Variants in DAG1 observed in about 807,000 individuals in gnomAD.
DAG1 encodes the protein dystroglycan 1 (dystrophin-associated glycoprotein 1).
In DAG1, 8 loss-of-function variants were observed where a neutral mutation model predicts 46.1. The ratio of observed to expected loss-of-function variants is 0.17; its 90% CI spans 0.10 to 0.31. The LOEUF is 0.31. Among genes scored for constraint, DAG1 ranks in the 10% least tolerant of loss-of-function variants. The pLI, the probability that DAG1 is intolerant of heterozygous loss-of-function variation, is 1.00. For missense variants in DAG1, 1,003 were observed against 1,189.9 expected, an observed-to-expected ratio of 0.84 and a Z score of 2.31; for synonymous variants, 495 against 481.8, an observed-to-expected ratio of 1.03 and a Z score of -0.36.
chr3:49,507,272 C>A (rs1299076415), intron 1 of DAG1, among the ~76,000 whole-genome samples: 2 of 152,014 alleles, frequency 1.3e-5, no homozygotes, highest in African/African-American at 4.8e-5. Flanking sequence ...TTTAAAATTA[C>A]AAATTCAGGG....
chr3:49,503,689 G>A (rs2050518701), intron 1 of DAG1, among the ~76,000 whole-genome samples: 2 of 152,118 alleles, frequency 1.3e-5, no homozygotes, highest in African/African-American at 2.4e-5. Context: ...ATAGCCAGGT[G>A]TGGTAGCACA....
intron 2 of DAG1, among the ~76,000 whole-genome samples, chr3:49,529,706 C>T (rs1180204514): frequency 1.3e-5 from 2 of 152,172 alleles, no homozygotes; most frequent in African/African-American, 4.8e-5. Flanking sequence ...TGCCTTCAGG[C>T]CAACCAGAGA....
intron 2 of DAG1, among the ~76,000 whole-genome samples, chr3:49,527,855 GT>G (rs1312509428): frequency 3.3e-5 from 5 of 152,282 alleles, no homozygotes; most frequent in Admixed American, 2.0e-4. Context: ...TCTCAACCTT[GT>G]TCAGTCTCCT....
At chr3:49,476,625 A>G (rs1377834399) in intron 1 of DAG1, among the ~76,000 whole-genome samples, 1 of 152,166 alleles carries the variant, frequency 6.6e-6, no homozygotes, top group African/African-American at 2.4e-5. Context: ...ACTGTCTAAA[A>G]TACACTGAAA....
rs1200598437 is a variant in DAG1 at position 49,531,060 on chromosome 3, T to C, written c.549T>C (p.Ala183=). ...DPGEVVSSAC[A]ADEPVTVLTV... is the part of the protein sequence containing the mutation. Reference sequence around the variant, plus strand: ...GTGAGGTGGTATCATCTGCCTGTGCTGCGGATGAACCTGTGACTGTTTTGA... The same window carrying C: ...GTGAGGTGGTATCATCTGCCTGTGCCGCGGATGAACCTGTGACTGTTTTGA... The change falls in exon 3 of 3, where the codon GCT becomes GCC. Residue 183 remains alanine (A), a synonymous_variant. Coordinates refer to ENST00000308775, the MANE Select transcript of DAG1 (RefSeq NM_004393.6). The surrounding 1 kb of genome is among the most constrained non-coding windows in gnomAD (Gnocchi z 7.0). The C allele has an allele frequency of 1.2e-6, 2 of 1,614,210 alleles. No homozygotes were observed. The highest frequency in any genetic ancestry group is 8.5e-7 in the Non-Finnish European group (1 of 1,180,020).
At chr3:49,510,840 T>G (rs752310497) in intron 2 of DAG1, 21 bp downstream of exon 2, 1 of 1,613,706 alleles carries the variant, frequency 6.2e-7, no homozygotes, top group African/African-American at 1.3e-5. Context: ...ATATAAAGCA[T>G]AAATGAGGAA....
intron 1 of DAG1, among the ~76,000 whole-genome samples, chr3:49,501,318 T>C (rs1038071863): frequency 1.3e-5 from 2 of 151,930 alleles, no homozygotes; most frequent in East Asian, 1.9e-4. Flanking sequence ...ATCTAATAAG[T>C]GAAGTAAAGA....
At chr3:49,522,985 G>A (rs2051075292) in intron 2 of DAG1, among the ~76,000 whole-genome samples, 2 of 152,170 alleles carry the variant, frequency 1.3e-5, no homozygotes, top group South Asian at 2.1e-4. Context: ...GTGTTGGCTG[G>A]TAGAGAGACC....
At chr3:49,513,432 G>C (rs2050814724) in intron 2 of DAG1, among the ~76,000 whole-genome samples, 1 of 152,146 alleles carries the variant, frequency 6.6e-6, no homozygotes, top group Non-Finnish European at 1.5e-5. Context: ...AGCACATATA[G>C]ACTCTGATGG....
chr3:49,504,376 C>T (rs942830647), intron 1 of DAG1, among the ~76,000 whole-genome samples: 1 of 151,680 alleles, frequency 6.6e-6, no homozygotes, highest in African/African-American at 2.4e-5. Context: ...ATGCATGTAC[C>T]ATAGTTTGTT....
intron 1 of DAG1, among the ~76,000 whole-genome samples, chr3:49,500,472 T>G (rs1021139860): frequency 6.6e-6 from 1 of 152,020 alleles, no homozygotes; most frequent in Non-Finnish European, 1.5e-5. Context: ...AGTCTCAGGG[T>G]CTGGGGTCTG....
intron 1 of DAG1, among the ~76,000 whole-genome samples, chr3:49,479,059 A>G (rs1366364581): frequency 6.6e-6 from 1 of 151,820 alleles, no homozygotes; most frequent in East Asian, 1.9e-4. Flanking sequence ...CTCCCACCTC[A>G]GCCTCCCAAA....
intron 1 of DAG1, among the ~76,000 whole-genome samples, chr3:49,504,761 ATTTTTT>A (rs57684297): frequency 1.8e-3 from 160 of 89,908 alleles, no homozygotes; most frequent in Admixed American, 2.8e-3. Context: ...CGCCCAGCTA[ATTTTTT>A]TTTTTTTTTT....
intron 2 of DAG1, among the ~76,000 whole-genome samples, chr3:49,515,182 C>G (rs1209799576): frequency 6.6e-6 from 1 of 151,746 alleles, no homozygotes; most frequent in African/African-American, 2.4e-5. Flanking sequence ...GTTGGCCAGG[C>G]TGGTATCAAA....
chr3:49,496,673 CTTT>C (rs999554417), intron 1 of DAG1, among the ~76,000 whole-genome samples: 1 of 142,418 alleles, frequency 7.0e-6, no homozygotes. Context: ...ATTTTTTTTT[CTTT>C]TTTTTTTTGG....
At chr3:49,502,896 C>T (rs2107547623) in intron 1 of DAG1, among the ~76,000 whole-genome samples, 1 of 152,270 alleles carries the variant, frequency 6.6e-6, no homozygotes, top group South Asian at 2.1e-4. Flanking sequence ...CTTGGCCTCC[C>T]AAAGTGCTGG....
intron 1 of DAG1, among the ~76,000 whole-genome samples, chr3:49,487,774 A>G (rs778126779): frequency 1.5e-5 from 2 of 136,686 alleles, no homozygotes; most frequent in Non-Finnish European, 3.0e-5. Context: ...ATCTCGGCTC[A>G]CTGCAACCTC....
intron 2 of DAG1, among the ~76,000 whole-genome samples, chr3:49,512,483 C>A (rs1259694693): frequency 6.6e-6 from 1 of 151,752 alleles, no homozygotes; most frequent in East Asian, 1.9e-4. Context: ...CCTCCATCTC[C>A]CAGATTCAAG....
intron 1 of DAG1, among the ~76,000 whole-genome samples, chr3:49,475,059 GCCTCGGCCTC>G (rs2049640723): frequency 1.3e-5 from 2 of 151,254 alleles, no homozygotes; most frequent in South Asian, 4.2e-4. Context: ...TGATCTGCCT[GCCTCGGCCTC>G]CCGAAGTGCT....
Sources: gnomAD v4.1 joint callset for allele counts (sites outside exome capture counted in the v4.1 genomes callset) on GRCh38, gnomAD v4.1.1 for gene constraint, Gnocchi (gnomAD v3.1) non-coding constraint, MANE v1.5 for transcripts, NCBI Gene and HGNC (gene_info 2026-07-23, HGNC 2026-07-21) for gene names.